The following MUC17 variants were observed in gnomAD, a reference collection of about 807,000 sequenced individuals.
MUC17 encodes the protein mucin 17, cell surface associated, also known as mucin-17.
Under a neutral mutation model 170.3 loss-of-function variants are expected in MUC17, and 190 were observed. The observed-to-expected ratio is 1.12, with a 90% CI of 0.99 to 1.26. MUC17 has a LOEUF of 1.26. Ranked by LOEUF, MUC17 falls within the 50% of genes most tolerant of loss-of-function variation. The pLI is 0.00. For synonymous variants in MUC17, 2,325 were observed against 2,002.5 expected (o/e 1.16, Z -4.30); for missense variants, 6,415 against 5,530.0 (o/e 1.16, Z -5.08).
chr7:101,038,840 C>A lies in MUC17; in HGVS notation c.7424C>A (p.Thr2475Asn), dbSNP rs1249901338. 6.2e-7 allele frequency: 1 copy of A among 1,612,826 alleles called. No individual in the cohort carries two copies. Among genetic ancestry groups the A allele is most frequent in the Non-Finnish European group, 8.5e-7 (1 of 1,179,460 alleles). ...CCGGTGGTCAGTTCTGAGGCTGGCA[C>A]CCTTTCCACAACTCCTGTTGACACC... ...TTPVVSSEAG[T>N]LSTTPVDTST... The change falls in exon 3 of 13, where the codon ACC becomes AAC. Residue 2475 changes from threonine to asparagine, a missense_variant. By Grantham distance (65) the Thr-to-Asn change is moderately conservative (BLOSUM62 0). Coordinates refer to ENST00000306151, the MANE Select transcript of MUC17 (RefSeq NM_001040105.2).
Position 101,041,760 on chromosome 7 carries a change from G to T in MUC17, c.10344G>T (p.Leu3448Phe). The T allele has an allele frequency of 1.2e-6, 2 of 1,612,996 alleles. No individual in the cohort carries two copies. The highest frequency in any genetic ancestry group is 8.5e-7 in the Non-Finnish European group (1 of 1,179,844). ...SSPTIAEGTSLPTSTTSEGST... is the reference protein window; with the variant it reads ...SSPTIAEGTSFPTSTTSEGST... ...CTACAATCGCTGAAGGTACCAGCTTGCCAACCTCAACTACTAGTGAAGGAA... is the reference window on the plus strand; with the variant it reads ...CTACAATCGCTGAAGGTACCAGCTTTCCAACCTCAACTACTAGTGAAGGAA... Residue 3448 changes from leucine to phenylalanine, a missense_variant, in exon 3 of 13, where the codon TTG (leucine) becomes TTT (phenylalanine). Coordinates refer to ENST00000306151, the MANE Select transcript of MUC17 (RefSeq NM_001040105.2).
Position 101,041,846 on chromosome 7 carries a change from C to G in MUC17, c.10430C>G (p.Thr3477Ser). ...CCGGTGGCCAGTTCTGAGGCTAGCACCCTTTCAACAACTCCTGTTGACACC... is the reference window on the plus strand; with the variant it reads ...CCGGTGGCCAGTTCTGAGGCTAGCAGCCTTTCAACAACTCCTGTTGACACC... ...TTPVASSEAS[T>S]LSTTPVDTST... The change falls in exon 3 of 13, where the codon ACC becomes AGC. Residue 3477 changes from threonine (T) to serine (S), a missense_variant. Physicochemically the swap from Thr to Ser is moderately conservative, Grantham distance 58. Transcript: ENST00000306151. 6.2e-7 allele frequency: 1 copy of G among 1,614,060 alleles called. No homozygotes were observed. Among genetic ancestry groups the G allele is most frequent in the Non-Finnish European group, 8.5e-7 (1 of 1,179,974 alleles).
chr7:101,032,830 C>T lies in MUC17; in HGVS notation c.1414C>T (p.Leu472Phe), dbSNP rs549432526. 1.9e-5 allele frequency: 31 copies of T among 1,612,684 alleles called. No homozygotes were observed. The highest frequency in any genetic ancestry group is 2.5e-5 in the Non-Finnish European group (30 of 1,179,558). Residue 472 changes from leucine to phenylalanine, a missense_variant, in exon 3 of 13, where the codon CTT (leucine) becomes TTT (phenylalanine). Leu to Phe is a conservative substitution (Grantham distance 22). Coordinates refer to ENST00000306151, the MANE Select transcript of MUC17 (RefSeq NM_001040105.2). ...AGTGGCCAGTTCTGAGGCTAGCAACCTTTCAACAACTCCTGTTGACTCCAA... is the reference window on the plus strand; with the variant it reads ...AGTGGCCAGTTCTGAGGCTAGCAACTTTTCAACAACTCCTGTTGACTCCAA... ...TPVASSEASNLSTTPVDSKTQ... is the reference protein window; with the variant it reads ...TPVASSEASNFSTTPVDSKTQ...
rs1487989807 is a variant in MUC17, at chr7:101,039,382, A to G, written c.7966A>G (p.Thr2656Ala). The G allele has an allele frequency of 1.9e-6, 3 of 1,611,374 alleles. No individual in the cohort carries two copies. The highest frequency in any genetic ancestry group is 2.2e-5 in the East Asian group (1 of 44,810). ...ASSEASTLST[T>A]PVDTRTLVTT... ...TTCTGAGGCTAGCACCCTTTCAACA[A>G]CTCCTGTTGACACCAGGACACTTGT... Residue 2656 changes from threonine to alanine, a missense_variant, in exon 3 of 13, where the codon ACT becomes GCT. Physicochemically the swap from Thr to Ala is moderately conservative, Grantham distance 58 (BLOSUM62 0). Coordinates refer to ENST00000306151, the MANE Select transcript of MUC17 (RefSeq NM_001040105.2).
At chr7:101,046,425 C>CACT (rs1794842221) in intron 3 of MUC17, among the ~76,000 whole-genome samples, 1 of 152,170 alleles carries the variant, frequency 6.6e-6, no homozygotes, top group South Asian at 2.1e-4. Context: ...AGTTGGCTAT[C>CACT]ACTACTTCCT....
Position 101,053,159 on chromosome 7 carries a change from C to T in MUC17, c.13265+12C>T, listed in dbSNP as rs11764899. ...AGAGAGGTGAAACGGTGAGCGAGCC[C>T]CTACCACCTCCTCTTCCAACTCCCT... On this transcript the variant is annotated intron_variant, in intron 10 of 12. Transcript: ENST00000306151. 6.9e-4 allele frequency: 1,113 copies of T among 1,610,608 alleles called. 5 individuals are homozygous for T. Among genetic ancestry groups the T allele is most frequent in the African/African-American group, 3.9e-3 (293 of 74,964 alleles).
rs781068065 is a variant in MUC17 at position 101,039,393 on chromosome 7, C to A, written c.7977C>A (p.Asp2659Glu). 2.5e-6 allele frequency: 4 copies of A among 1,611,860 alleles called. No homozygotes were observed. The Admixed American group carries it at 6.7e-5, about 27-fold the overall frequency. The change falls in exon 3 of 13, where the codon GAC becomes GAA. Residue 2659 changes from aspartate to glutamate, a missense_variant. Physicochemically the swap from Asp to Glu is conservative, Grantham distance 45. Coordinates refer to ENST00000306151, the MANE Select transcript of MUC17 (RefSeq NM_001040105.2). ...GCACCCTTTCAACAACTCCTGTTGA[C>A]ACCAGGACACTTGTGACCACTTCCA... ...EASTLSTTPV[D>E]TRTLVTTSTG...
At chr7:101,055,346 C>T (rs570473712) in intron 11 of MUC17, among the ~76,000 whole-genome samples, 2 of 151,926 alleles carry the variant, frequency 1.3e-5, no homozygotes, top group Middle Eastern at 3.4e-3. Context: ...AAAGACAAAA[C>T]AGGGTAATAC....
chr7:101,053,760 A>C (rs1794998170), intron 11 of MUC17, among the ~76,000 whole-genome samples: 1 of 151,666 alleles, frequency 6.6e-6, no homozygotes, highest in Non-Finnish European at 1.5e-5. Flanking sequence ...GGTGCCTGTA[A>C]TCCCAGCTAC....
Position 101,042,787 on chromosome 7 carries a change from G to A in MUC17, c.11371G>A (p.Gly3791Ser), listed in dbSNP as rs767018856. The change falls in exon 3 of 13, where the codon GGC (glycine) becomes AGC (serine). Residue 3791 changes from glycine (G) to serine (S), a missense_variant. Coordinates refer to ENST00000306151, the MANE Select transcript of MUC17 (RefSeq NM_001040105.2). Reference sequence around the variant, plus strand: ...CATGTCTATGACCACTGCCTCTGAAGGCAGTTCATCTCCTACAACTCTTGA... The same window carrying A: ...CATGTCTATGACCACTGCCTCTGAAAGCAGTTCATCTCCTACAACTCTTGA... ...TSMSMTTASEGSSSPTTLEGT... is the reference protein window; with the variant it reads ...TSMSMTTASESSSSPTTLEGT... 2 of 1,614,016 alleles carry A rather than the reference G, an allele frequency of 1.2e-6. No homozygotes were observed. Among genetic ancestry groups the A allele is most frequent in the South Asian group, 2.2e-5 (2 of 91,082 alleles).
In MUC17 at chr7:101,031,171, G is replaced by A. The variant is rs757034409; in HGVS notation, c.134G>A (p.Gly45Glu). The A allele has an allele frequency of 1.4e-5, 22 of 1,613,774 alleles. No homozygotes were observed. Among genetic ancestry groups the A allele is most frequent in the Non-Finnish European group, 1.6e-5 (19 of 1,179,904 alleles). Residue 45 changes from glycine to glutamate, a missense_variant, in exon 2 of 13, where the codon GGG becomes GAG. Transcript: ENST00000306151. ...VWDGGGCISQ[G>E]DVLNRQCQQL... The stretch of plus-strand genomic sequence containing the variant: ...GATGGAGGAGGGTGCATCTCCCAAG[G>A]GGACGTCTTGAACCGTCAGTGCCAG...
In MUC17 at chr7:101,036,998, C is replaced by T. The variant is rs147735350; in HGVS notation, c.5582C>T (p.Thr1861Met). The T allele has an allele frequency of 1.5e-5, 23 of 1,583,992 alleles. No homozygotes were observed. Among genetic ancestry groups the T allele is most frequent in the African/African-American group, 1.2e-4 (8 of 68,818 alleles). ...PAEGTSIATSTPSEGSTALTS... is the reference protein window; with the variant it reads ...PAEGTSIATSMPSEGSTALTS... ...GAAGGTACCAGCATAGCAACCTCAA[C>T]GCCTAGTGAAGGAAGCACTGCATTA... Residue 1861 changes from threonine (T) to methionine (M), a missense_variant, in exon 3 of 13, where the codon ACG becomes ATG. Physicochemically the swap from Thr to Met is moderately conservative, Grantham distance 81. Transcript: ENST00000306151.
intron 11 of MUC17, 67 bp downstream of exon 11, chr7:101,053,503 C>A: frequency 3.2e-6 from 4 of 1,268,048 alleles, no homozygotes; most frequent in Non-Finnish European, 3.4e-6. Context: ...GCGGTGGGCT[C>A]ACATCTGTAA....
rs1003886413 is a variant in MUC17 at position 101,051,826 on chromosome 7, G to A, written c.12967G>A (p.Glu4323Lys). The change falls in exon 9 of 13, where the codon GAA (glutamate) becomes AAA (lysine). Residue 4323 changes from glutamate (E) to lysine (K), a missense_variant. Coordinates refer to ENST00000306151, the MANE Select transcript of MUC17 (RefSeq NM_001040105.2). ...AGAGGACTGCCGGAAGATGGCCAAG[G>A]AATATGGAGACTACTTCGTAGTGGA... The part of the protein sequence containing the change: ...PEEDCRKMAK[E>K]YGDYFVVEYR... 3 of 1,614,140 alleles carry A rather than the reference G, an allele frequency of 1.9e-6. No individual in the cohort carries two copies. Among genetic ancestry groups the A allele is most frequent in the Non-Finnish European group, 1.7e-6 (2 of 1,179,964 alleles).
Position 101,043,288 on chromosome 7 carries a change from A to G in MUC17, c.11872A>G (p.Thr3958Ala), listed in dbSNP as rs564674399. 1.9e-6 allele frequency: 3 copies of G among 1,614,098 alleles called. No individual in the cohort carries two copies. The highest frequency in any genetic ancestry group is 1.3e-5 in the African/African-American group (1 of 74,996). ...SSTADVFPATTGAVSTPVITS... is the reference protein window; with the variant it reads ...SSTADVFPATAGAVSTPVITS... ...TACTGCTGATGTCTTTCCTGCAACA[A>G]CTGGTGCTGTATCTACCCCTGTGAT... The change falls in exon 3 of 13, where the codon ACT becomes GCT. Residue 3958 changes from threonine to alanine, a missense_variant. Thr to Ala is a moderately conservative substitution (Grantham distance 58, BLOSUM62 0). Transcript: ENST00000306151.
chr7:101,047,123 TA>T (rs1794856956), intron 3 of MUC17, among the ~76,000 whole-genome samples: 1 of 150,142 alleles, frequency 6.7e-6, no homozygotes, highest in African/African-American at 2.5e-5. Flanking sequence ...AATAAATAAA[TA>T]AAATAAGATC....
intron 12 of MUC17, among the ~76,000 whole-genome samples, chr7:101,056,869 AT>A (rs1165813071): frequency 6.6e-6 from 1 of 152,110 alleles, no homozygotes; most frequent in Non-Finnish European, 1.5e-5. Flanking sequence ...AGATGTAGAT[AT>A]AACAGATTTC....
rs1442126346 is a variant in MUC17 at position 101,042,547 on chromosome 7, G to A, written c.11131G>A (p.Gly3711Ser). The change falls in exon 3 of 13, where the codon GGT becomes AGT. Residue 3711 changes from glycine to serine, a missense_variant. Coordinates refer to ENST00000306151, the MANE Select transcript of MUC17 (RefSeq NM_001040105.2). The stretch of plus-strand genomic sequence containing the variant: ...CACCACACGTGTGACCAGCTCTGAG[G>A]GTAGCACCCTTTCAACACCTTCTGT... ...VSTTRVTSSE[G>S]STLSTPSVVT... is the part of the protein sequence containing the mutation. The A allele has an allele frequency of 1.1e-5, 17 of 1,613,892 alleles. No individual in the cohort carries two copies. The highest frequency in any genetic ancestry group is 2.2e-5 in the East Asian group (1 of 44,888).
At chr7:101,048,796 T>C in intron 4 of MUC17, 49 bp from the exon 5 acceptor site, 1 of 1,606,526 alleles carries the variant, frequency 6.2e-7, no homozygotes, top group African/African-American at 1.3e-5. Flanking sequence ...GCAGATCTTC[T>C]GAGTAGGAAA....
Sources: allele counts gnomAD v4.1 joint callset (sites outside exome capture counted in the v4.1 genomes callset), GRCh38; gene constraint gnomAD v4.1.1; transcripts MANE v1.5; gene names NCBI Gene and HGNC (gene_info 2026-07-23, HGNC 2026-07-21).